Variants in BCAS3 observed in about 807,000 individuals in gnomAD.
BCAS3 encodes the protein BCAS4/BCAS3 fusion.
BCAS3 carries 53 observed loss-of-function variants against 116.1 expected under a neutral mutation model. The ratio of observed to expected loss-of-function variants is 0.46; its 90% confidence interval spans 0.37 to 0.57. BCAS3 has a LOEUF of 0.57. Among genes scored for constraint, BCAS3 ranks in the 20% least tolerant of loss-of-function variants. BCAS3 has a pLI of 0.00. For missense variants in BCAS3, 917 were observed against 1,165.4 expected, an observed-to-expected ratio of 0.79 and a Z score of 3.10; for synonymous variants, 391 against 408.2, an observed-to-expected ratio of 0.96 and a Z score of 0.51.
rs1304551382 is a variant in BCAS3 at position 60,961,037 on chromosome 17, G to A, written c.1221+13685G>A. Among the ~76,000 whole-genome samples, 1 of 151,932 alleles carries A rather than the reference G, an allele frequency of 6.6e-6. No individual in the cohort carries two copies. Among genetic ancestry groups the A allele is most frequent in the Non-Finnish European group, 1.5e-5 (1 of 68,002 alleles). Reference sequence around the variant, plus strand: ...TCAAGCTATACTCCTGGCCTTCAGAGCACATTTTCCCAACCATGAAACTCC... The same window carrying A: ...TCAAGCTATACTCCTGGCCTTCAGAACACATTTTCCCAACCATGAAACTCC... On this transcript the variant is annotated intron_variant, in intron 14 of 23. Coordinates refer to ENST00000407086, the MANE Select transcript of BCAS3 (RefSeq NM_017679.5). The surrounding 1 kb of genome is among the most constrained non-coding windows in gnomAD (Gnocchi z 4.8).
chr17:61,374,059 G>T, intron 23 of BCAS3, among the ~76,000 whole-genome samples: 1 of 149,356 alleles, frequency 6.7e-6, no homozygotes, highest in East Asian at 2.0e-4. Flanking sequence ...CAAGTGATCT[G>T]CCCACCTCAG....
At position 61,028,115 on chromosome 17, in the gene BCAS3, G is replaced by A. The variant is rs970777535; in HGVS notation, c.1638-6551G>A. 1.3e-5 allele frequency among the ~76,000 whole-genome samples: 2 copies of A among 151,754 alleles called. No homozygotes were observed. The highest frequency in any genetic ancestry group is 3.0e-5 in the Non-Finnish European group (2 of 67,762). Reference sequence around the variant, plus strand: ...TTACACTAGAAAAAAACATTCCAACGTTTTTTCCTCTTGGACAGAAAGAAG... The same window carrying A: ...TTACACTAGAAAAAAACATTCCAACATTTTTTCCTCTTGGACAGAAAGAAG... On this transcript the variant is annotated intron_variant, in intron 16 of 23. Coordinates refer to ENST00000407086, the MANE Select transcript of BCAS3 (RefSeq NM_017679.5). The surrounding 1 kb of genome is among the most constrained non-coding windows in gnomAD (Gnocchi z 4.3).
intron 21 of BCAS3, among the ~76,000 whole-genome samples, chr17:61,079,260 A>C (rs1453552093): frequency 6.6e-6 from 1 of 152,210 alleles, no homozygotes; most frequent in East Asian, 1.9e-4. Flanking sequence ...CTTGAATTGA[A>C]TATAAAACAA....
chr17:60,688,914 G>A (rs1266175200), intron 3 of BCAS3: 1 of 151,986 alleles, frequency 6.6e-6, no homozygotes, highest in Non-Finnish European at 1.5e-5. Context: ...ATTAATGCTT[G>A]TCTTTTGATC....
intron 7 of BCAS3, among the ~76,000 whole-genome samples, chr17:60,841,546 A>ATTTTTTTTTTTT (rs754447784): frequency 1.5e-4 from 18 of 123,468 alleles, no homozygotes; most frequent in African/African-American, 5.6e-4. Context: ...CACCTGGCTA[A>ATTTTTTTTTTTT]TTTTTTTTTT....
At position 61,156,629 on chromosome 17, in the gene BCAS3, A is replaced by C. The variant is rs886612319; in HGVS notation, c.2425+72065A>C. Among the ~76,000 whole-genome samples the C allele has an allele frequency of 6.6e-6, 1 of 152,140 alleles. No individual in the cohort carries two copies. Among genetic ancestry groups the C allele is most frequent in the Non-Finnish European group, 1.5e-5 (1 of 68,020 alleles). On this transcript the variant is annotated intron_variant, in intron 22 of 23. Transcript: ENST00000407086. This position sits in a 1 kb window ranked among gnomAD's most constrained non-coding sequence, Gnocchi z 4.7. ...TTCATCATTTGGTAAGAAATTTCAG[A>C]GGGATTTTTAAATATGAAACTGTGT...
chr17:61,177,326 T>C (rs983605252), intron 22 of BCAS3, among the ~76,000 whole-genome samples: 1 of 152,186 alleles, frequency 6.6e-6, no homozygotes, highest in African/African-American at 2.4e-5. Context: ...AACAGGTAAA[T>C]GGAGAAACGA....
At chr17:61,336,504 C>T (rs2056737063) in intron 22 of BCAS3, among the ~76,000 whole-genome samples, 1 of 152,184 alleles carries the variant, frequency 6.6e-6, no homozygotes. Flanking sequence ...ACCTTACCCA[C>T]CTATGCCCAC....
chr17:61,075,146 T>C (rs1477582187), intron 20 of BCAS3, 126 bp downstream of exon 20: 1 of 693,582 alleles, frequency 1.4e-6, no homozygotes, highest in African/African-American at 1.8e-5. Context: ...GAATTAGTTG[T>C]CTTTCCATAT....
chr17:60,712,745 T>C (rs79538876), intron 5 of BCAS3, among the ~76,000 whole-genome samples: 2,424 of 152,268 alleles, frequency 0.016, 40 homozygotes, highest in South Asian at 0.063. Context: ...AGCATACACA[T>C]GCATGAGAGC....
chr17:60,724,374 G>A (rs1198008869), intron 5 of BCAS3, among the ~76,000 whole-genome samples: 1 of 139,744 alleles, frequency 7.2e-6, no homozygotes, highest in East Asian at 2.3e-4. Context: ...AGTGAGCTGA[G>A]ATCGCGCCAC....
At chr17:60,786,556 T>C (rs936147946) in intron 6 of BCAS3, among the ~76,000 whole-genome samples, 223 of 150,602 alleles carry the variant, frequency 1.5e-3, no homozygotes, top group African/African-American at 5.1e-3. Context: ...TGTATATATA[T>C]ATATATATAT....
At chr17:60,939,664 T>C (rs8080784) in intron 13 of BCAS3, among the ~76,000 whole-genome samples, 32,299 of 152,074 alleles carry the variant, frequency 0.21, 4,232 homozygotes, top group African/African-American at 0.38. Flanking sequence ...GGCCAGGTGG[T>C]TGGGGAGAGG....
rs184943196 is a variant in BCAS3 at position 61,163,191 on chromosome 17, G to A, written c.2425+78627G>A. The stretch of plus-strand genomic sequence containing the variant: ...TGTAATCCCAGCACCTGGGGAGGCC[G>A]AGGTGGGCAGATCACGAGGTCAGGA... On this transcript the variant is annotated intron_variant, in intron 22 of 23. Coordinates refer to ENST00000407086, the MANE Select transcript of BCAS3 (RefSeq NM_017679.5). Among the ~76,000 whole-genome samples the A allele has an allele frequency of 3.4e-4, 52 of 152,080 alleles. 1 individual carries two copies. In the East Asian group the frequency reaches 9.9e-3, roughly 29 times the overall value.
At chr17:60,986,345 G>A (rs1051204205) in intron 14 of BCAS3, among the ~76,000 whole-genome samples, 3 of 151,882 alleles carry the variant, frequency 2.0e-5, no homozygotes, top group African/African-American at 4.8e-5. Context: ...CCTTTCTTTC[G>A]AGTATATACC....
chr17:60,917,920 G>A (rs953856460), intron 12 of BCAS3, among the ~76,000 whole-genome samples: 5 of 152,136 alleles, frequency 3.3e-5, no homozygotes, highest in Non-Finnish European at 7.3e-5. Flanking sequence ...AATAATGCTT[G>A]TGTGAACATT....
chr17:61,335,889 G>A (rs1423273781), intron 22 of BCAS3, among the ~76,000 whole-genome samples: 1 of 152,226 alleles, frequency 6.6e-6, no homozygotes, highest in African/African-American at 2.4e-5. Context: ...CTGGAGAGTG[G>A]GCACCTGAGA....
rs2055779145 is a variant in BCAS3 at position 61,326,958 on chromosome 17, AG to A, written c.2426-41368del. ...AAAGAAAAAAGAAATAACAAATAGT[AG>A]AAGGAAAAATATTTTTAAAGGAAAT... On this transcript the variant is annotated intron_variant, in intron 22 of 23. Coordinates refer to ENST00000407086, the MANE Select transcript of BCAS3 (RefSeq NM_017679.5). The surrounding 1 kb of genome is among the most constrained non-coding windows in gnomAD (Gnocchi z 5.3). Among the ~76,000 whole-genome samples, 3 of 152,328 alleles carry A rather than the reference AG, an allele frequency of 2.0e-5. No individual in the cohort carries two copies. The highest frequency in any genetic ancestry group is 6.5e-5 in the Admixed American group (1 of 15,300).
chr17:60,749,249 A>G (rs1400765530), intron 6 of BCAS3, among the ~76,000 whole-genome samples: 1 of 152,244 alleles, frequency 6.6e-6, no homozygotes, highest in Non-Finnish European at 1.5e-5. Context: ...TTGGCTGGAT[A>G]ACAAATACGT....
Sources: gnomAD v4.1 joint callset for allele counts (sites outside exome capture counted in the v4.1 genomes callset) on GRCh38, gnomAD v4.1.1 for gene constraint, Gnocchi (gnomAD v3.1) non-coding constraint, MANE v1.5 for transcripts, NCBI Gene and HGNC (gene_info 2026-07-23, HGNC 2026-07-21) for gene names.